The following GFRAL variants were observed in gnomAD, a reference collection of about 807,000 sequenced individuals.
The protein encoded by GFRAL is GDNF family receptor alpha-like.
Under a neutral mutation model 45.4 loss-of-function variants are expected in GFRAL, and 36 were observed. The observed-to-expected ratio is 0.79, with a 90% CI of 0.61 to 1.05. The LOEUF (loss-of-function observed/expected upper bound fraction) is 1.05, where lower values mean the gene tolerates loss of function less well. Among genes scored for constraint, GFRAL ranks in the 50% least tolerant of loss-of-function variants. The pLI, the probability that GFRAL is intolerant of heterozygous loss-of-function variation, is 0.00. For missense variants in GFRAL, 507 were observed against 467.5 expected (o/e 1.08, Z -0.78); for synonymous variants, 166 against 154.1 (o/e 1.08, Z -0.57).
chr6:55,395,175 A>AAAAT, intron 6 of GFRAL, among the ~76,000 whole-genome samples: 1,299 of 123,462 alleles, frequency 0.011, 17 homozygotes, highest in Non-Finnish European at 0.016. Context: ...AAAAAAAAAA[A>AAAAT]ATATATATAT....
chr6:55,333,730 A>C, intron 2 of GFRAL, 56 bp from the exon 3 acceptor site: 2 of 1,184,900 alleles, frequency 1.7e-6, no homozygotes, highest in Non-Finnish European at 2.3e-6. Flanking sequence ...TTGGGGAGGA[A>C]GAATCCAAAA....
chr6:55,351,286 C>G lies in GFRAL; in HGVS notation c.404C>G (p.Ala135Gly). 6.2e-7 allele frequency: 1 copy of G among 1,603,772 alleles called. No individual in the cohort carries two copies. The highest frequency in any genetic ancestry group is 2.2e-5 in the East Asian group (1 of 44,664). The change falls in exon 5 of 9, where the codon GCA becomes GGA. Residue 135 changes from alanine (A) to glycine (G), a missense_variant. By Grantham distance (60) the Ala-to-Gly change is moderately conservative. Transcript: ENST00000340465. ...GGGATGTGGTCCTGTTTGGAAGTGG[C>G]AGAGGCATGTGTAGGGGATGTGGTC... ...FKGMWSCLEVAEACVGDVVCN... is the reference protein window; with the variant it reads ...FKGMWSCLEVGEACVGDVVCN...
At chr6:55,382,738 C>A (rs950715663) in intron 6 of GFRAL, among the ~76,000 whole-genome samples, 1 of 151,906 alleles carries the variant, frequency 6.6e-6, no homozygotes, top group African/African-American at 2.4e-5. Context: ...ATTTTTCCAT[C>A]ATTTACAAGA....
At chr6:55,365,147 T>A (rs1768342153) in intron 6 of GFRAL, among the ~76,000 whole-genome samples, 1 of 151,274 alleles carries the variant, frequency 6.6e-6, no homozygotes, top group Non-Finnish European at 1.5e-5. Context: ...CTTGAAGAGG[T>A]CCTTCACATC....
intron 6 of GFRAL, among the ~76,000 whole-genome samples, chr6:55,393,282 A>G (rs1486608190): frequency 6.6e-6 from 1 of 152,184 alleles, no homozygotes; most frequent in Non-Finnish European, 1.5e-5. Context: ...ATTACTTGCA[A>G]CTAAAATGCA....
At chr6:55,354,751 C>G (rs570046484) in intron 5 of GFRAL, among the ~76,000 whole-genome samples, 1 of 152,084 alleles carries the variant, frequency 6.6e-6, no homozygotes, top group East Asian at 1.9e-4. Flanking sequence ...CTTTATGATA[C>G]TTATCTTTTT....
intron 6 of GFRAL, among the ~76,000 whole-genome samples, chr6:55,390,430 A>G (rs1236643021): frequency 6.6e-6 from 1 of 152,226 alleles, no homozygotes; most frequent in Non-Finnish European, 1.5e-5. Flanking sequence ...CACAGTTGCC[A>G]TTGGGAACAT....
At chr6:55,357,669 A>G (rs2127356885) in intron 5 of GFRAL, among the ~76,000 whole-genome samples, 1 of 151,882 alleles carries the variant, frequency 6.6e-6, no homozygotes, top group East Asian at 1.9e-4. Flanking sequence ...TAGTCCATTT[A>G]CATTTCAAAT....
intron 6 of GFRAL, among the ~76,000 whole-genome samples, chr6:55,387,659 A>G (rs1768696533): frequency 6.6e-6 from 1 of 152,162 alleles, no homozygotes; most frequent in Admixed American, 6.5e-5. Flanking sequence ...ATGAGTAGAC[A>G]TTTGTGAAGA....
intron 3 of GFRAL, among the ~76,000 whole-genome samples, chr6:55,344,082 G>T (rs1441045905): frequency 1.3e-5 from 2 of 152,098 alleles, no homozygotes; most frequent in East Asian, 3.9e-4. Context: ...GGACCAGATG[G>T]ATTCACAGTT....
chr6:55,374,030 G>C (rs1487091477), intron 6 of GFRAL, among the ~76,000 whole-genome samples: 1 of 152,148 alleles, frequency 6.6e-6, no homozygotes, highest in African/African-American at 2.4e-5. Flanking sequence ...TTAGTTTGCT[G>C]AGGATAATGG....
intron 6 of GFRAL, among the ~76,000 whole-genome samples, chr6:55,380,496 T>C (rs1768593828): frequency 6.6e-6 from 1 of 151,824 alleles, no homozygotes. Flanking sequence ...TGGGATAGAG[T>C]TCAGCAACAT....
intron 2 of GFRAL, among the ~76,000 whole-genome samples, chr6:55,333,471 G>A (rs1279071138): frequency 6.6e-6 from 1 of 152,104 alleles, no homozygotes; most frequent in Non-Finnish European, 1.5e-5. Context: ...AAAATGCTAA[G>A]ATTAGAGAGC....
At chr6:55,389,182 T>C (rs540691744) in intron 6 of GFRAL, among the ~76,000 whole-genome samples, 1 of 152,172 alleles carries the variant, frequency 6.6e-6, no homozygotes, top group Non-Finnish European at 1.5e-5. Flanking sequence ...TACAGATTAT[T>C]TCATCACCCA....
At chr6:55,362,750 T>TA (rs1768293402) in intron 6 of GFRAL, among the ~76,000 whole-genome samples, 1 of 152,132 alleles carries the variant, frequency 6.6e-6, no homozygotes, top group South Asian at 2.1e-4. Context: ...AGCTTTTTTT[T>TA]ATTTAAATAC....
intron 6 of GFRAL, among the ~76,000 whole-genome samples, chr6:55,388,067 C>T (rs1300519492): frequency 1.3e-5 from 2 of 152,156 alleles, no homozygotes; most frequent in Non-Finnish European, 1.5e-5. Flanking sequence ...GTCCTTTCTT[C>T]TAGCAATGAT....
At chr6:55,333,598 T>C (rs1353740105) in intron 2 of GFRAL, among the ~76,000 whole-genome samples, 188 bp from the exon 3 acceptor site, 1 of 152,184 alleles carries the variant, frequency 6.6e-6, no homozygotes, top group Non-Finnish European at 1.5e-5. Flanking sequence ...AAGTACATTA[T>C]GGAAAATATT....
intron 3 of GFRAL, among the ~76,000 whole-genome samples, chr6:55,338,592 AC>A (rs1157353219): frequency 6.6e-6 from 1 of 152,182 alleles, no homozygotes; most frequent in African/African-American, 2.4e-5. Flanking sequence ...ACACACACAG[AC>A]AAAGTACTAG....
At chr6:55,366,573 C>T in intron 6 of GFRAL, among the ~76,000 whole-genome samples, 1 of 141,156 alleles carries the variant, frequency 7.1e-6, no homozygotes, top group Non-Finnish European at 1.5e-5. Context: ...CTCTTGTGGG[C>T]ATTTAGTCCT....
Sources: allele counts gnomAD v4.1 joint callset (sites outside exome capture counted in the v4.1 genomes callset), GRCh38; gene constraint gnomAD v4.1.1; transcripts MANE v1.5; gene names NCBI Gene and HGNC (gene_info 2026-07-23, HGNC 2026-07-21).